CHRM2: variants seen among roughly 807,000 people sequenced by gnomAD.
CHRM2 encodes muscarinic acetylcholine receptor M2.
CHRM2 carries 8 observed loss-of-function variants against 25.0 expected under a neutral mutation model. The ratio of observed to expected loss-of-function variants is 0.32; its 90% confidence interval spans 0.19 to 0.58. The LOEUF is 0.58. CHRM2 is among the 20% of genes least tolerant of loss of function. CHRM2 has a pLI of 0.88. For synonymous variants in CHRM2, 202 were observed against 205.7 expected (o/e 0.98, Z 0.15); for missense variants, 440 against 567.1 (o/e 0.78, Z 2.28).
At chr7:136,985,947 A>G (rs1358333295) in intron 2 of CHRM2, among the ~76,000 whole-genome samples, 2 of 152,220 alleles carry the variant, frequency 1.3e-5, no homozygotes, top group Non-Finnish European at 2.9e-5. Context: ...ATAGCTTTCC[A>G]TTACTTAAAA....
At chr7:136,892,239 A>G (rs948639255) in intron 2 of CHRM2, among the ~76,000 whole-genome samples, 1 of 152,220 alleles carries the variant, frequency 6.6e-6, no homozygotes, top group Non-Finnish European at 1.5e-5. Context: ...TTTATTTAAC[A>G]TCAGTTATTT....
At chr7:136,964,941 A>G (rs1213678893) in intron 2 of CHRM2, among the ~76,000 whole-genome samples, 1 of 152,174 alleles carries the variant, frequency 6.6e-6, no homozygotes, top group Non-Finnish European at 1.5e-5. Context: ...AGGACCTTCT[A>G]GGTATTATAA....
In CHRM2 at chr7:136,982,080, A is replaced by C. The variant is rs559030815; in HGVS notation, c.-124-10107A>C. On this transcript the variant is annotated intron_variant, in intron 2 of 3. Coordinates refer to ENST00000680005, the MANE Select transcript of CHRM2 (RefSeq NM_001006630.2). The stretch of plus-strand genomic sequence containing the variant: ...CCCACTACTATTGTTTAGGAGTCTA[A>C]GTCTCTTTGTATGTCTCTAAGAACT... Among the ~76,000 whole-genome samples the C allele has an allele frequency of 1.4e-4, 21 of 152,280 alleles. No homozygotes were observed. The South Asian group carries it at 4.3e-3, about 32-fold the overall frequency.
intron 2 of CHRM2, among the ~76,000 whole-genome samples, chr7:136,916,084 A>C (rs1015228183): frequency 1.3e-5 from 2 of 151,820 alleles, no homozygotes; most frequent in Admixed American, 6.6e-5. Context: ...ATTACTATAT[A>C]ATTCCCCACA....
At chr7:136,875,861 T>C (rs1796032579) in intron 2 of CHRM2, among the ~76,000 whole-genome samples, 1 of 152,184 alleles carries the variant, frequency 6.6e-6, no homozygotes. Context: ...AAATAAATAC[T>C]AGCCAATATA....
chr7:136,952,226 T>C lies in CHRM2; in HGVS notation c.-124-39961T>C, dbSNP rs373971023. On this transcript the variant is annotated intron_variant, in intron 2 of 3. Transcript: ENST00000680005. ...AAATAATTATGCGTTTCTAATATGA[T>C]GACATAAAATATATTTATAACTATG... 9.8e-5 allele frequency among the ~76,000 whole-genome samples: 15 copies of C among 152,338 alleles called. No homozygotes were observed. The South Asian group carries it at 2.7e-3, about 27-fold the overall frequency.
chr7:136,990,460 G>T (rs902368362), intron 2 of CHRM2, among the ~76,000 whole-genome samples: 13 of 152,038 alleles, frequency 8.6e-5, no homozygotes, highest in Non-Finnish European at 1.5e-4. Flanking sequence ...CATATAGTTG[G>T]ATTCATACAG....
chr7:136,954,035 G>T (rs1405486146), intron 2 of CHRM2, among the ~76,000 whole-genome samples: 1 of 152,050 alleles, frequency 6.6e-6, no homozygotes, highest in South Asian at 2.1e-4. Flanking sequence ...TATGAGAAGA[G>T]CCTCCAGGGC....
intron 2 of CHRM2, among the ~76,000 whole-genome samples, chr7:136,985,504 C>CAAA (rs974105875): frequency 8.4e-4 from 50 of 59,724 alleles, no homozygotes; most frequent in African/African-American, 1.1e-3. Flanking sequence ...AGTTAGACTC[C>CAAA]AAAAAAAAAA....
chr7:136,991,560 T>C (rs546021282), intron 2 of CHRM2, among the ~76,000 whole-genome samples: 1 of 152,240 alleles, frequency 6.6e-6, no homozygotes, highest in South Asian at 2.1e-4. Flanking sequence ...TTACAATACA[T>C]TGTTGAGATA....
At chr7:136,959,954 G>A (rs961270118) in intron 2 of CHRM2, among the ~76,000 whole-genome samples, 1 of 151,928 alleles carries the variant, frequency 6.6e-6, no homozygotes, top group African/African-American at 2.4e-5. Flanking sequence ...GTGAAGGGTA[G>A]GGGGCTACTC....
chr7:136,999,416 T>G (rs1466829973), intron 3 of CHRM2, among the ~76,000 whole-genome samples: 1 of 152,018 alleles, frequency 6.6e-6, no homozygotes, highest in Non-Finnish European at 1.5e-5. Context: ...TAATTATACT[T>G]TAAGTTTTAG....
intron 2 of CHRM2, among the ~76,000 whole-genome samples, chr7:136,969,384 CTTCCTGATT>C (rs1190615325): frequency 1.3e-5 from 2 of 152,270 alleles, no homozygotes; most frequent in East Asian, 3.9e-4. Context: ...TCCCGGTTAT[CTTCCTGATT>C]TGACCCACTA....
chr7:136,976,967 T>C (rs1428170883), intron 2 of CHRM2, among the ~76,000 whole-genome samples: 1 of 152,234 alleles, frequency 6.6e-6, no homozygotes, highest in Non-Finnish European at 1.5e-5. Flanking sequence ...CTATTGACTA[T>C]GTAAACATTG....
chr7:136,982,769 C>G (rs976263089), intron 2 of CHRM2, among the ~76,000 whole-genome samples: 1 of 152,044 alleles, frequency 6.6e-6, no homozygotes, highest in African/African-American at 2.4e-5. Flanking sequence ...GAATATTGGC[C>G]CCCACTCTCT....
chr7:137,002,161 G>A (rs1804084436), intron 3 of CHRM2, among the ~76,000 whole-genome samples: 1 of 151,982 alleles, frequency 6.6e-6, no homozygotes, highest in Non-Finnish European at 1.5e-5. Flanking sequence ...TGTTTTGTTT[G>A]TTTTTTATCA....
chr7:136,883,074 A>T (rs1381647532), intron 2 of CHRM2, among the ~76,000 whole-genome samples: 1 of 152,310 alleles, frequency 6.6e-6, no homozygotes, highest in Admixed American at 6.5e-5. Flanking sequence ...AGGAAGGAGA[A>T]GTACTACACT....
At chr7:136,913,217 C>A (rs1241438763) in intron 2 of CHRM2, among the ~76,000 whole-genome samples, 1 of 151,688 alleles carries the variant, frequency 6.6e-6, no homozygotes, top group African/African-American at 2.4e-5. Context: ...ATAATAAATG[C>A]CTTTGAGCAT....
rs1805345032 is a variant in CHRM2, at chr7:137,019,835, A to T, written c.*3569A>T. ...TGCTCTTTGTTCATTTGCTTTTTTG[A>T]TCCTGAAGATCTGACATTGGGAGAG... On this transcript the variant is annotated 3_prime_UTR_variant, in exon 4 of 4. Transcript: ENST00000680005. The T allele has an allele frequency of 6.6e-6, 1 of 151,800 alleles. No individual in the cohort carries two copies. Among genetic ancestry groups the T allele is most frequent in the African/African-American group, 2.4e-5 (1 of 41,382 alleles). The allele number at this position is 151,800 out of a possible 1,614,324, so 9.4% of individuals were successfully genotyped here.
Sources: gnomAD v4.1 joint callset for allele counts (sites outside exome capture counted in the v4.1 genomes callset) on GRCh38, gnomAD v4.1.1 for gene constraint, MANE v1.5 for transcripts, NCBI Gene and HGNC (gene_info 2026-07-23, HGNC 2026-07-21) for gene names.